CUL4A: variants seen among roughly 807,000 people sequenced by gnomAD.
CUL4A encodes cullin 4A.
In CUL4A, 16 loss-of-function variants were observed where a neutral mutation model predicts 95.5. The observed-to-expected ratio is 0.17, with a 90% confidence interval of 0.11 to 0.25. CUL4A has a LOEUF of 0.25. Ranked by LOEUF, CUL4A falls within the 10% of genes least tolerant of loss-of-function variation. The probability of loss-of-function intolerance (pLI) is 1.00; values close to 1 mark genes in which losing one functional copy is unlikely to be tolerated. For synonymous variants in CUL4A, 380 were observed against 353.1 expected, an observed-to-expected ratio of 1.08 and a Z score of -0.85; for missense variants, 610 against 937.0, an observed-to-expected ratio of 0.65 and a Z score of 4.56.
intron 15 of CUL4A, 146 bp from the exon 16 acceptor site, chr13:113,252,936 C>A: frequency 4.2e-6 from 2 of 479,516 alleles, no homozygotes; most frequent in Non-Finnish European, 7.5e-6. Context: ...GACGTTTTTA[C>A]AAATAATGGA....
chr13:113,212,776 C>T (rs1170247314), intron 2 of CUL4A, among the ~76,000 whole-genome samples: 1 of 152,188 alleles, frequency 6.6e-6, no homozygotes, highest in Non-Finnish European at 1.5e-5. Flanking sequence ...CAGAGTGAGA[C>T]TCCATTTCAA....
In CUL4A at chr13:113,244,701, C is replaced by T. The variant is rs561189620; in HGVS notation, c.1333+187C>T. On this transcript the variant is annotated intron_variant, in intron 12 of 19. Transcript: ENST00000375440. ...CTAAAAATACAAAACATTAGCCAGG[C>T]GTGGTGGCAGGCGCCTGTAGTCCCA... Among the ~76,000 whole-genome samples the T allele has an allele frequency of 1.0e-3, 156 of 152,226 alleles. 1 individual carries two copies. Among genetic ancestry groups the T allele is most frequent in the Non-Finnish European group, 7.9e-4 (54 of 68,010 alleles).
intron 10 of CUL4A, among the ~76,000 whole-genome samples, chr13:113,240,372 A>G (rs2041672887): frequency 6.6e-6 from 1 of 152,192 alleles, no homozygotes; most frequent in Non-Finnish European, 1.5e-5. Flanking sequence ...AAGACCCTCT[A>G]ATGAGAAGCC....
At chr13:113,209,868 C>CGGGCCCCGGGAGCGG (rs1224071140) in intron 1 of CUL4A, 93 bp downstream of exon 1, 2 of 1,167,426 alleles carry the variant, frequency 1.7e-6, no homozygotes, top group East Asian at 3.7e-5. Context: ...GAGATCCGTG[C>CGGGCCCCGGGAGCGG]GGGCCCCGGG....
At chr13:113,234,111 T>G in intron 7 of CUL4A, 125 bp downstream of exon 7, 2 of 587,924 alleles carry the variant, frequency 3.4e-6, no homozygotes, top group Non-Finnish European at 6.0e-6. Flanking sequence ...TTCTGAAAGC[T>G]GCAATCTTGC....
At chr13:113,243,476 G>A (rs1485712836) in intron 11 of CUL4A, among the ~76,000 whole-genome samples, 1 of 151,968 alleles carries the variant, frequency 6.6e-6, no homozygotes, top group African/African-American at 2.4e-5. Context: ...TATTAAAATA[G>A]GATAAAACCA....
At chr13:113,259,220 T>C (rs1032518160) in intron 18 of CUL4A, among the ~76,000 whole-genome samples, 1 of 152,244 alleles carries the variant, frequency 6.6e-6, no homozygotes, top group Non-Finnish European at 1.5e-5. Context: ...CTGTATTGCA[T>C]AGTTAGAACC....
intron 4 of CUL4A, 148 bp downstream of exon 4, chr13:113,228,193 G>C (rs937570992): frequency 3.1e-6 from 2 of 651,926 alleles, no homozygotes; most frequent in Non-Finnish European, 5.4e-6. Flanking sequence ...AGCAGGGAAG[G>C]TGAACTCCTC....
At chr13:113,208,604 G>GC, upstream of CUL4A, 3 of 1,606,706 alleles carry the variant, frequency 1.9e-6, no homozygotes, top group Non-Finnish European at 2.5e-6. Flanking sequence ...CCCACCTGCT[G>GC]CAGGTACTGG....
At chr13:113,249,493 C>G (rs1036863713) in intron 15 of CUL4A, among the ~76,000 whole-genome samples, 6 of 152,226 alleles carry the variant, frequency 3.9e-5, no homozygotes, top group Non-Finnish European at 8.8e-5. Flanking sequence ...TCTGGTTTCT[C>G]CATTCACCAA....
chr13:113,215,931 T>C (rs28729826), intron 2 of CUL4A, among the ~76,000 whole-genome samples: 15 of 145,446 alleles, frequency 1.0e-4, no homozygotes, highest in African/African-American at 3.1e-4. Context: ...TGTGGCGGTC[T>C]CTGTGTGACT....
upstream of CUL4A, among the ~76,000 whole-genome samples, chr13:113,209,393 GAGGGGGTGTCCGAATCTCTT>G (rs1225236229): frequency 2.7e-5 from 4 of 149,308 alleles, no homozygotes; most frequent in East Asian, 8.2e-4. Flanking sequence ...CTCGAGCCAG[GAGGGGGTGTCCGAATCTCTT>G]AGGGGGAGTC....
intron 19 of CUL4A, among the ~76,000 whole-genome samples, chr13:113,262,762 G>A (rs1315411003): frequency 1.3e-5 from 2 of 152,262 alleles, no homozygotes; most frequent in African/African-American, 2.4e-5. Context: ...AATGTGTCAC[G>A]TGATCGGGTC....
upstream of CUL4A, chr13:113,208,717 G>A: frequency 6.6e-7 from 1 of 1,512,736 alleles, no homozygotes; most frequent in African/African-American, 1.4e-5. Context: ...GGTCCGTCTG[G>A]GTCCTGGCGC....
intron 9 of CUL4A, among the ~76,000 whole-genome samples, chr13:113,238,566 A>T (rs543000910): frequency 5.3e-5 from 8 of 152,356 alleles, no homozygotes; most frequent in African/African-American, 1.7e-4. Context: ...CCTAAATTTT[A>T]TTAGAAATAT....
At chr13:113,208,216 A>G, upstream of CUL4A, 2 of 1,524,456 alleles carry the variant, frequency 1.3e-6, no homozygotes, top group Non-Finnish European at 1.8e-6. Flanking sequence ...CCTGCTGGGA[A>G]ACAGCGTCCA....
upstream of CUL4A, chr13:113,208,668 A>T: frequency 1.3e-6 from 2 of 1,594,882 alleles, no homozygotes; most frequent in Non-Finnish European, 1.7e-6. Context: ...GCCACCCCCT[A>T]CGCCTCAAGC....
chr13:113,258,762 A>G (rs1202798576), intron 18 of CUL4A, among the ~76,000 whole-genome samples: 1 of 152,186 alleles, frequency 6.6e-6, no homozygotes, highest in Non-Finnish European at 1.5e-5. Context: ...AGTGCAGGAG[A>G]GTCTAATTAA....
intron 3 of CUL4A, among the ~76,000 whole-genome samples, chr13:113,227,433 C>T (rs1374699585): frequency 2.0e-5 from 3 of 152,206 alleles, no homozygotes; most frequent in Non-Finnish European, 2.9e-5. Context: ...CTTGTCCACT[C>T]TCATGACCTA....
Sources: allele counts gnomAD v4.1 joint callset (sites outside exome capture counted in the v4.1 genomes callset), GRCh38; gene constraint gnomAD v4.1.1; transcripts MANE v1.5; gene names NCBI Gene and HGNC (gene_info 2026-07-23, HGNC 2026-07-21).